Variants in SLC9A9 observed in about 807,000 individuals in gnomAD.
The protein encoded by SLC9A9 is sodium/hydrogen exchanger 9.
SLC9A9 carries 62 observed loss-of-function variants against 77.8 expected under a neutral mutation model. The ratio of observed to expected loss-of-function variants is 0.80; its 90% CI spans 0.65 to 0.98. The LOEUF is 0.98. Ranked by LOEUF, SLC9A9 falls within the 50% of genes least tolerant of loss-of-function variation. The pLI is 0.00. For synonymous variants in SLC9A9, 320 were observed against 283.5 expected (o/e 1.13, Z -1.29); for missense variants, 775 against 774.9 (o/e 1.00, Z 0.00).
At chr3:143,546,663 G>A (rs1167670368) in intron 9 of SLC9A9, among the ~76,000 whole-genome samples, 1 of 152,072 alleles carries the variant, frequency 6.6e-6, no homozygotes, top group African/African-American at 2.4e-5. Context: ...TTAGTAAGAG[G>A]CAACATAGTT....
In SLC9A9 at chr3:143,848,004, G is replaced by C. The variant is rs1468611498; in HGVS notation, c.175+144C>G. On this transcript the variant is annotated intron_variant, in intron 1 of 15. Coordinates refer to ENST00000316549, the MANE Select transcript of SLC9A9 (RefSeq NM_173653.4). ...CTTGTCTGTAAAGAGATTAGCATTC[G>C]TTACGCTGCAGCACCTTTCATCAAA... The C allele has an allele frequency of 1.5e-5, 13 of 869,878 alleles. No individual in the cohort carries two copies. In the South Asian group the frequency reaches 1.9e-4, roughly 12 times the overall value. The allele number at this position is 869,878 out of a possible 1,614,324, so 53.9% of individuals were successfully genotyped here. A position where few individuals can be genotyped will look rare whatever the true frequency, so the allele number is the denominator to read the frequency against.
intron 2 of SLC9A9, among the ~76,000 whole-genome samples, chr3:143,812,773 T>A (rs2008902671): frequency 6.6e-6 from 1 of 152,082 alleles, no homozygotes; most frequent in East Asian, 1.9e-4. Context: ...GAGACTAGAT[T>A]AAAGGAAGTC....
At chr3:143,730,199 C>G (rs557377367) in intron 4 of SLC9A9, among the ~76,000 whole-genome samples, 2 of 152,184 alleles carry the variant, frequency 1.3e-5, no homozygotes, top group African/African-American at 4.8e-5. Flanking sequence ...ACTTGTTGGG[C>G]CCCTTTGAAA....
At chr3:143,363,938 G>T (rs1341274997) in intron 13 of SLC9A9, among the ~76,000 whole-genome samples, 1 of 152,182 alleles carries the variant, frequency 6.6e-6, no homozygotes, top group African/African-American at 2.4e-5. Context: ...CAAGGCTAAA[G>T]TGAGGATAAT....
At chr3:143,510,238 A>G (rs981996153) in intron 9 of SLC9A9, among the ~76,000 whole-genome samples, 1 of 152,228 alleles carries the variant, frequency 6.6e-6, no homozygotes, top group Admixed American at 6.5e-5. Context: ...ATATTTGCCA[A>G]TGTCTTTAAT....
chr3:143,690,479 C>G (rs1264977590), intron 5 of SLC9A9, among the ~76,000 whole-genome samples: 2 of 151,986 alleles, frequency 1.3e-5, no homozygotes, highest in African/African-American at 4.8e-5. Flanking sequence ...AAAGGTAATT[C>G]CTAGGTGGGG....
chr3:143,622,427 C>T (rs2038233881), intron 6 of SLC9A9, among the ~76,000 whole-genome samples: 1 of 152,194 alleles, frequency 6.6e-6, no homozygotes, highest in Admixed American at 6.5e-5. Context: ...TCGGCAGAAA[C>T]TCTACAAGCC....
intron 2 of SLC9A9, among the ~76,000 whole-genome samples, chr3:143,826,684 C>T (rs553767557): frequency 6.6e-6 from 1 of 152,296 alleles, no homozygotes; most frequent in Non-Finnish European, 1.5e-5. Flanking sequence ...TTCCACACTT[C>T]AACAAATTGG....
At chr3:143,353,305 C>T (rs1464873065) in intron 14 of SLC9A9, among the ~76,000 whole-genome samples, 1 of 152,188 alleles carries the variant, frequency 6.6e-6, no homozygotes, top group African/African-American at 2.4e-5. Context: ...ACGTTGAAGC[C>T]TGACTCCCAA....
At chr3:143,709,526 A>G (rs1467651023) in intron 4 of SLC9A9, among the ~76,000 whole-genome samples, 1 of 152,152 alleles carries the variant, frequency 6.6e-6, no homozygotes, top group Admixed American at 6.5e-5. Context: ...TTTAAGCAAA[A>G]TAGCTCAGCC....
chr3:143,670,840 G>A (rs1167086171), intron 5 of SLC9A9, among the ~76,000 whole-genome samples: 2 of 152,206 alleles, frequency 1.3e-5, no homozygotes, highest in Non-Finnish European at 2.9e-5. Flanking sequence ...AGCTCCTACA[G>A]TGCCTATGAC....
intron 4 of SLC9A9, among the ~76,000 whole-genome samples, chr3:143,762,889 G>A (rs1237776094): frequency 6.6e-6 from 1 of 152,142 alleles, no homozygotes; most frequent in Non-Finnish European, 1.5e-5. Flanking sequence ...TAGAAGTTAA[G>A]CTTTTCATGG....
At chr3:143,408,050 C>T (rs947548016) in intron 12 of SLC9A9, among the ~76,000 whole-genome samples, 9 of 152,150 alleles carry the variant, frequency 5.9e-5, no homozygotes, top group African/African-American at 2.2e-4. Context: ...GCTCACCTGA[C>T]TTTTTTTCTT....
At chr3:143,663,249 A>G (rs1288084704) in intron 5 of SLC9A9, among the ~76,000 whole-genome samples, 2 of 152,212 alleles carry the variant, frequency 1.3e-5, no homozygotes, top group Non-Finnish European at 2.9e-5. Flanking sequence ...AAACTAGCAA[A>G]CAGAAAGGAA....
In SLC9A9 at chr3:143,719,049, A is replaced by T. The variant is rs140759377; in HGVS notation, c.534-25742T>A. Among the ~76,000 whole-genome samples, 14 of 152,338 alleles carry T rather than the reference A, an allele frequency of 9.2e-5. No individual in the cohort carries two copies. The East Asian group carries it at 2.5e-3, about 27-fold the overall frequency. ...TGGTTGTTTAATCTTAAACGGATAA[A>T]TGGAACGTTAACTTCTTAATGTGTT... is the stretch of plus-strand genomic sequence containing the variant. On this transcript the variant is annotated intron_variant, in intron 4 of 15. Transcript: ENST00000316549.
intron 14 of SLC9A9, 140 bp from the exon 15 acceptor site, chr3:143,269,120 C>A (rs531134532): frequency 4.0e-5 from 27 of 681,448 alleles, no homozygotes; most frequent in South Asian, 3.1e-4. Context: ...ATTTGCCCTG[C>A]AAAAATTGCT....
chr3:143,578,347 T>G (rs1185164276), intron 7 of SLC9A9, among the ~76,000 whole-genome samples: 1 of 152,192 alleles, frequency 6.6e-6, no homozygotes, highest in Non-Finnish European at 1.5e-5. Flanking sequence ...GATCAGATAG[T>G]GTCAATAGCA....
intron 4 of SLC9A9, among the ~76,000 whole-genome samples, chr3:143,718,963 A>G (rs1172431849): frequency 1.3e-5 from 2 of 152,170 alleles, no homozygotes; most frequent in Non-Finnish European, 2.9e-5. Context: ...CCTCTGCACA[A>G]TGAAAACAAT....
intron 4 of SLC9A9, among the ~76,000 whole-genome samples, chr3:143,736,127 C>T (rs1934935554): frequency 6.6e-6 from 1 of 152,122 alleles, no homozygotes; most frequent in South Asian, 2.1e-4. Flanking sequence ...GAACTTCTAA[C>T]AATTCTTTAA....
Sources: gnomAD v4.1 joint callset for allele counts (sites outside exome capture counted in the v4.1 genomes callset) on GRCh38, gnomAD v4.1.1 for gene constraint, MANE v1.5 for transcripts, NCBI Gene and HGNC (gene_info 2026-07-23, HGNC 2026-07-21) for gene names.